Variants in GNA12 observed in about 807,000 individuals in gnomAD.
GNA12 encodes the protein G protein subunit alpha 12, also known as guanine nucleotide-binding protein subunit alpha-12.
In GNA12, 9 loss-of-function variants were observed where a neutral mutation model predicts 26.0. That is an observed-to-expected ratio of 0.35 (90% CI 0.21 to 0.60). The LOEUF is 0.60. GNA12 is among the 20% of genes least tolerant of loss of function. The pLI, the probability that GNA12 is intolerant of heterozygous loss-of-function variation, is 0.78. For missense variants in GNA12, 405 were observed against 525.8 expected (o/e 0.77, Z 2.25); for synonymous variants, 264 against 219.6 (o/e 1.20, Z -1.79).
At chr7:2,776,400 T>C (rs1188891992) in intron 2 of GNA12, among the ~76,000 whole-genome samples, 4 of 152,158 alleles carry the variant, frequency 2.6e-5, no homozygotes, top group African/African-American at 9.7e-5. Context: ...ACACTGTACA[T>C]CCCACGGTGT....
At position 2,816,162 on chromosome 7, in the gene GNA12, A is replaced by G. The variant is rs114082375; in HGVS notation, c.310-21019T>C. Reference sequence around the variant, plus strand: ...GAACGGATCAGCAATTATGGTAAGTAATGTGACGGTGGAAAGAAGTAAACC... The same window carrying G: ...GAACGGATCAGCAATTATGGTAAGTGATGTGACGGTGGAAAGAAGTAAACC... On this transcript the variant is annotated intron_variant, in intron 1 of 3. Coordinates refer to ENST00000275364, the MANE Select transcript of GNA12 (RefSeq NM_007353.3). Among the ~76,000 whole-genome samples the G allele has an allele frequency of 4.2e-3, 638 of 152,256 alleles. 4 individuals carry two copies. Among genetic ancestry groups the G allele is most frequent in the African/African-American group, 6.5e-3 (269 of 41,554 alleles).
At chr7:2,783,406 G>A (rs2115438895) in intron 2 of GNA12, among the ~76,000 whole-genome samples, 1 of 152,164 alleles carries the variant, frequency 6.6e-6, no homozygotes, top group Non-Finnish European at 1.5e-5. Flanking sequence ...CCCTCTCCCT[G>A]CCCTGCTTCT....
intron 2 of GNA12, among the ~76,000 whole-genome samples, chr7:2,744,096 G>C (rs1437906700): frequency 6.6e-6 from 1 of 152,226 alleles, no homozygotes; most frequent in African/African-American, 2.4e-5. Context: ...TCTGGGGGCA[G>C]GGCACAGACA....
chr7:2,817,128 CAG>C (rs1313537486), intron 1 of GNA12, among the ~76,000 whole-genome samples: 3 of 152,230 alleles, frequency 2.0e-5, no homozygotes, highest in African/African-American at 7.2e-5. Flanking sequence ...ATTTTTGAGA[CAG>C]AGTCTCGCTC....
intron 1 of GNA12, among the ~76,000 whole-genome samples, chr7:2,841,583 G>C (rs61089924): frequency 0.047 from 7,078 of 152,138 alleles, 586 homozygotes; most frequent in African/African-American, 0.16. Flanking sequence ...GAGAGGCTTG[G>C]AAAGAGGTAA....
At chr7:2,814,352 C>T (rs577459786) in intron 1 of GNA12, 12 of 1,605,172 alleles carry the variant, frequency 7.5e-6, no homozygotes, top group South Asian at 5.5e-5. Flanking sequence ...CTCAAAACGG[C>T]AGCACTTTCG....
chr7:2,823,550 C>T (rs1159707771), intron 1 of GNA12, among the ~76,000 whole-genome samples: 2 of 152,062 alleles, frequency 1.3e-5, no homozygotes, highest in African/African-American at 2.4e-5. Flanking sequence ...TAAAACTGTT[C>T]GGGAAGAGGC....
At chr7:2,762,270 A>G (rs1791595534) in intron 2 of GNA12, 1 of 228,880 alleles carries the variant, frequency 4.4e-6, no homozygotes, top group East Asian at 8.2e-5. Flanking sequence ...TAGGGTCGTC[A>G]CAGAAGGTGC....
chr7:2,836,723 A>C (rs1440978708), intron 1 of GNA12, among the ~76,000 whole-genome samples: 1 of 142,748 alleles, frequency 7.0e-6, no homozygotes, highest in Non-Finnish European at 1.5e-5. Context: ...CAGGAGTTCG[A>C]GACCAGCCTG....
intron 2 of GNA12, among the ~76,000 whole-genome samples, chr7:2,788,389 T>C (rs1792420531): frequency 6.6e-6 from 1 of 152,090 alleles, no homozygotes; most frequent in South Asian, 2.1e-4. Context: ...AGGAAGTCAC[T>C]CTAAAAGAAG....
chr7:2,786,576 T>C (rs191978553), intron 2 of GNA12, among the ~76,000 whole-genome samples: 3 of 152,360 alleles, frequency 2.0e-5, no homozygotes, highest in African/African-American at 7.2e-5. Flanking sequence ...TGTCTATCTA[T>C]GGAAGACTAA....
chr7:2,781,438 GT>G (rs1792227069), intron 2 of GNA12, among the ~76,000 whole-genome samples: 1 of 151,524 alleles, frequency 6.6e-6, no homozygotes, highest in Non-Finnish European at 1.5e-5. Context: ...GTGTGTGTGT[GT>G]GTGTGTGTGT....
chr7:2,811,622 G>C (rs78986587), intron 1 of GNA12, among the ~76,000 whole-genome samples: 2 of 152,206 alleles, frequency 1.3e-5, no homozygotes, highest in African/African-American at 4.8e-5. Flanking sequence ...CACAGATTTC[G>C]TAAGGTTGTA....
intron 2 of GNA12, among the ~76,000 whole-genome samples, chr7:2,788,507 T>A (rs1792423914): frequency 6.6e-6 from 1 of 152,212 alleles, no homozygotes; most frequent in South Asian, 2.1e-4. Context: ...ACAACTTAGT[T>A]ACTACATGTA....
intron 2 of GNA12, among the ~76,000 whole-genome samples, chr7:2,744,669 C>G (rs750496876): frequency 2.6e-5 from 4 of 152,138 alleles, no homozygotes; most frequent in African/African-American, 7.2e-5. Context: ...GCTGGATGGA[C>G]AATGACTTTG....
chr7:2,813,662 T>C (rs1251514327), intron 1 of GNA12, among the ~76,000 whole-genome samples: 1 of 151,878 alleles, frequency 6.6e-6, no homozygotes, highest in African/African-American at 2.4e-5. Context: ...AATCGCCCCA[T>C]GTGAGCTGTC....
At chr7:2,783,583 C>T (rs1489994143) in intron 2 of GNA12, among the ~76,000 whole-genome samples, 1 of 152,142 alleles carries the variant, frequency 6.6e-6, no homozygotes, top group Non-Finnish European at 1.5e-5. Context: ...GCTTCTCCCA[C>T]CAGGCTCTTG....
At chr7:2,794,719 C>T (rs574239930) in intron 2 of GNA12, 1 of 587,580 alleles carries the variant, frequency 1.7e-6, no homozygotes, top group Non-Finnish European at 3.0e-6. Flanking sequence ...ATTGATCTTA[C>T]CTGAGTGGCT....
chr7:2,739,639 G>A (rs1433220717), intron 2 of GNA12, among the ~76,000 whole-genome samples: 1 of 152,164 alleles, frequency 6.6e-6, no homozygotes, highest in Admixed American at 6.5e-5. Flanking sequence ...CATTTCTTGA[G>A]TATACACCTA....
Sources: allele counts gnomAD v4.1 joint callset (sites outside exome capture counted in the v4.1 genomes callset), GRCh38; gene constraint gnomAD v4.1.1; transcripts MANE v1.5; gene names NCBI Gene and HGNC (gene_info 2026-07-23, HGNC 2026-07-21).